Variants in SLC9A9 observed in about 807,000 individuals in gnomAD.
SLC9A9 encodes the protein solute carrier family 9 member A9, also known as sodium/hydrogen exchanger 9.
In SLC9A9, 62 loss-of-function variants were observed where a neutral mutation model predicts 77.8. The observed-to-expected ratio is 0.80, with a 90% CI of 0.65 to 0.98. The LOEUF is 0.98. SLC9A9 is among the 50% of genes least tolerant of loss of function. SLC9A9 has a pLI of 0.00. For missense variants in SLC9A9, 775 were observed against 774.9 expected (o/e 1.00, Z 0.00); for synonymous variants, 320 against 283.5 (o/e 1.13, Z -1.29).
chr3:143,353,796 T>C, intron 14 of SLC9A9, among the ~76,000 whole-genome samples: 1 of 152,068 alleles, frequency 6.6e-6, no homozygotes, highest in African/African-American at 2.4e-5. Context: ...TAAAATTCAA[T>C]TTAGTTAAAA....
chr3:143,406,463 C>A (rs983697611), intron 12 of SLC9A9, among the ~76,000 whole-genome samples: 1 of 151,740 alleles, frequency 6.6e-6, no homozygotes, highest in Non-Finnish European at 1.5e-5. Flanking sequence ...CTGCAACCTC[C>A]GCCTCCTGGG....
intron 13 of SLC9A9, among the ~76,000 whole-genome samples, chr3:143,364,383 A>G (rs879365116): frequency 2.6e-5 from 4 of 152,130 alleles, no homozygotes. Flanking sequence ...AAAAGCATTT[A>G]TATCTCTTAA....
At chr3:143,309,013 A>G (rs919630014) in intron 14 of SLC9A9, among the ~76,000 whole-genome samples, 8 of 152,056 alleles carry the variant, frequency 5.3e-5, no homozygotes, top group African/African-American at 1.7e-4. Context: ...ATTTCAGCCA[A>G]CTCCGTGACA....
chr3:143,423,248 TACACACACACACACACAC>T (rs377276883), intron 12 of SLC9A9, among the ~76,000 whole-genome samples: 4 of 143,836 alleles, frequency 2.8e-5, no homozygotes, highest in South Asian at 4.5e-4. Context: ...CACGCGCGTG[TACACACACACACACACAC>T]ACACACACAC....
At position 143,795,831 on chromosome 3, in the gene SLC9A9, G is replaced by T. The variant is rs1029421352; in HGVS notation, c.457-754C>A. Among the ~76,000 whole-genome samples the T allele has an allele frequency of 1.6e-4, 25 of 152,294 alleles. No individual in the cohort carries two copies. The South Asian group carries it at 2.9e-3, about 18-fold the overall frequency. ...AGTATTGGGACTGGCAATGAGGAAG[G>T]GTTACCTGAACAAATCCAGCCTTCT... On this transcript the variant is annotated intron_variant, in intron 3 of 15. Coordinates refer to ENST00000316549, the MANE Select transcript of SLC9A9 (RefSeq NM_173653.4).
intron 4 of SLC9A9, among the ~76,000 whole-genome samples, chr3:143,773,830 C>T (rs960712029): frequency 6.6e-6 from 1 of 152,144 alleles, no homozygotes; most frequent in Non-Finnish European, 1.5e-5. Flanking sequence ...CACAAAGTTC[C>T]TGAAACATTA....
chr3:143,589,483 C>T (rs1227673335), intron 6 of SLC9A9, among the ~76,000 whole-genome samples: 1 of 151,942 alleles, frequency 6.6e-6, no homozygotes, highest in African/African-American at 2.4e-5. Context: ...GAAATACTTA[C>T]CATTGGGTTA....
intron 14 of SLC9A9, among the ~76,000 whole-genome samples, chr3:143,304,664 C>T (rs1220216033): frequency 6.6e-6 from 1 of 152,220 alleles, no homozygotes; most frequent in Non-Finnish European, 1.5e-5. Flanking sequence ...TCTATTATCA[C>T]TGCTGATAAG....
chr3:143,596,397 G>T (rs2037752544), intron 6 of SLC9A9, among the ~76,000 whole-genome samples: 1 of 152,144 alleles, frequency 6.6e-6, no homozygotes, highest in African/African-American at 2.4e-5. Flanking sequence ...AGTGAGTGAA[G>T]GATTTTGGTT....
intron 11 of SLC9A9, among the ~76,000 whole-genome samples, chr3:143,487,774 C>T (rs938320096): frequency 1.3e-5 from 2 of 151,722 alleles, no homozygotes; most frequent in African/African-American, 4.8e-5. Context: ...TAAACACTTA[C>T]ATTAAAAAAC....
chr3:143,814,554 G>A (rs1321668520), intron 2 of SLC9A9, among the ~76,000 whole-genome samples: 4 of 152,170 alleles, frequency 2.6e-5, no homozygotes, highest in African/African-American at 9.7e-5. Flanking sequence ...GCCAGGTTTA[G>A]CAATCCAAAC....
At chr3:143,824,273 A>G (rs780072631) in intron 2 of SLC9A9, among the ~76,000 whole-genome samples, 12 of 152,070 alleles carry the variant, frequency 7.9e-5, no homozygotes, top group Non-Finnish European at 1.5e-4. Context: ...TCATGAATAA[A>G]ATGGCAAAGA....
chr3:143,394,333 C>T (rs2033645782), intron 12 of SLC9A9, among the ~76,000 whole-genome samples: 1 of 152,140 alleles, frequency 6.6e-6, no homozygotes, highest in South Asian at 2.1e-4. Context: ...AGCATATAAA[C>T]AGAACCAAAG....
chr3:143,809,206 C>T (rs936442989), intron 2 of SLC9A9, among the ~76,000 whole-genome samples: 2 of 152,166 alleles, frequency 1.3e-5, no homozygotes, highest in Non-Finnish European at 2.9e-5. Flanking sequence ...ACAGAAAATC[C>T]CTTGCCTCAG....
chr3:143,565,555 AGTT>A (rs1165112285), intron 8 of SLC9A9, among the ~76,000 whole-genome samples: 1 of 152,140 alleles, frequency 6.6e-6, no homozygotes, highest in African/African-American at 2.4e-5. Context: ...TGAGTTAATG[AGTT>A]ATTATGCGAG....
intron 14 of SLC9A9, among the ~76,000 whole-genome samples, chr3:143,303,661 C>G (rs971427429): frequency 3.3e-5 from 5 of 152,228 alleles, no homozygotes; most frequent in African/African-American, 4.8e-5. Context: ...TACTAAACCT[C>G]AGAGAGGTAT....
At chr3:143,731,405 T>G (rs958379788) in intron 4 of SLC9A9, among the ~76,000 whole-genome samples, 4 of 152,180 alleles carry the variant, frequency 2.6e-5, no homozygotes, top group African/African-American at 9.7e-5. Context: ...CTGTAGGGCC[T>G]GTAAAGGGAT....
intron 4 of SLC9A9, among the ~76,000 whole-genome samples, chr3:143,771,715 C>T (rs1193928482): frequency 6.6e-6 from 1 of 152,206 alleles, no homozygotes; most frequent in Non-Finnish European, 1.5e-5. Flanking sequence ...TTCCTCCGTG[C>T]TCCTGCTGTT....
intron 6 of SLC9A9, among the ~76,000 whole-genome samples, chr3:143,586,895 G>T (rs2037549657): frequency 6.6e-6 from 1 of 152,154 alleles, no homozygotes; most frequent in Non-Finnish European, 1.5e-5. Flanking sequence ...GAACCATAGG[G>T]TTTTACCTTC....
Sources: gnomAD v4.1 joint callset for allele counts (sites outside exome capture counted in the v4.1 genomes callset) on GRCh38, gnomAD v4.1.1 for gene constraint, MANE v1.5 for transcripts, NCBI Gene and HGNC (gene_info 2026-07-23, HGNC 2026-07-21) for gene names.